Variants in DNAAF3 observed in about 807,000 individuals in gnomAD.
DNAAF3 encodes UPF0470 protein C19orf51.
DNAAF3 carries 40 observed loss-of-function variants against 50.9 expected under a neutral mutation model. The observed-to-expected ratio is 0.79, with a 90% CI of 0.61 to 1.02. The LOEUF (loss-of-function observed/expected upper bound fraction) is 1.02. DNAAF3 is among the 50% of genes least tolerant of loss of function. The probability of loss-of-function intolerance (pLI) is 0.00; values close to 1 mark genes in which losing one functional copy is unlikely to be tolerated. For synonymous variants in DNAAF3, 327 were observed against 322.8 expected (o/e 1.01, Z -0.14); for missense variants, 763 against 744.7 (o/e 1.02, Z -0.29).
Position 55,161,405 on chromosome 19 carries a change from T to C in DNAAF3, c.677A>G (p.His226Arg). 1 of 816,302 alleles carries C rather than the reference T, an allele frequency of 1.2e-6. No individual in the cohort carries two copies. Among genetic ancestry groups the C allele is most frequent in the Non-Finnish European group, 1.8e-6 (1 of 555,396 alleles). The allele number at this position is 816,302 out of a possible 1,614,324, so 50.6% of individuals were successfully genotyped here. ...KLHDRGAQVI[H>R]PQEFRRWRDT... Reference sequence around the variant, plus strand: ...CCGCCAGCGTCGGAACTCCTGGGGGTGAATGACTTGAGCCTGGGGTGGGGG... The same window carrying C: ...CCGCCAGCGTCGGAACTCCTGGGGGCGAATGACTTGAGCCTGGGGTGGGGG... Residue 226 changes from histidine (H) to arginine (R), a missense_variant, in exon 7 of 12, where the codon CAC becomes CGC. Coordinates refer to ENST00000524407, the MANE Select transcript of DNAAF3 (RefSeq NM_001256715.2). This position sits in a 1 kb window ranked among gnomAD's most constrained non-coding sequence, Gnocchi z 6.4.
intron 4 of DNAAF3, among the ~76,000 whole-genome samples, chr19:55,163,948 G>A (rs2147305051): frequency 6.6e-6 from 1 of 152,228 alleles, no homozygotes; most frequent in East Asian, 1.9e-4. Flanking sequence ...GGCGGGGCCT[G>A]GTGGGAGGTG....
At position 55,166,154 on chromosome 19, in the gene DNAAF3, GCAGTCCGCAGACAGGA is replaced by G; in HGVS notation, c.85+159_86-155del. ...GTTTCCTCTGAGTATTCTGGGATTC[GCAGTCCGCAGACAGGA>G]CCTCGGGGCTGCCCCTGGGAGCGCG... On this transcript the variant is annotated intron_variant, in intron 2 of 11. Transcript: ENST00000524407. The surrounding 1 kb of genome is among the most constrained non-coding windows in gnomAD (Gnocchi z 4.0). The G allele has an allele frequency of 6.4e-7, 1 of 1,553,376 alleles. No individual in the cohort carries two copies. Among genetic ancestry groups the G allele is most frequent in the South Asian group, 1.2e-5 (1 of 84,840 alleles).
upstream of DNAAF3, chr19:55,166,722 T>C: frequency 6.7e-7 from 1 of 1,494,910 alleles, no homozygotes; most frequent in South Asian, 1.2e-5. This position sits in a 1 kb window ranked among gnomAD's most constrained non-coding sequence, Gnocchi z 4.0. Flanking sequence ...TTTTGGCCAA[T>C]GGGAGCACTG....
Position 55,160,621 on chromosome 19 carries a change from GTT to G in DNAAF3, c.1048+17_1048+18del, listed in dbSNP as rs752167172. ...GGAGGCTGGAGTCCCTGGCTTACCT[GTT>G]GTTGTCCCTGGCTTACCTGGAGTCC... On this transcript the variant is annotated intron_variant, in intron 9 of 11. Coordinates refer to ENST00000524407, the MANE Select transcript of DNAAF3 (RefSeq NM_001256715.2). This position sits in a 1 kb window ranked among gnomAD's most constrained non-coding sequence, Gnocchi z 4.7. 2 of 1,468,338 alleles carry G rather than the reference GTT, an allele frequency of 1.4e-6. No individual in the cohort carries two copies. The highest frequency in any genetic ancestry group is 7.7e-5 in the East Asian group (2 of 26,060). 91.0% of individuals were successfully genotyped at this position (1,468,338 alleles called of 1,614,324 possible).
intron 4 of DNAAF3, chr19:55,162,910 CCCT>C (rs1322445597): frequency 2.6e-5 from 4 of 153,522 alleles, no homozygotes; most frequent in African/African-American, 4.8e-5. Context: ...GCTTAAGGGA[CCCT>C]CCTCCTCCAG....
In DNAAF3 at chr19:55,161,234, C is replaced by G. The variant is rs1454319711; in HGVS notation, c.790-47G>C. 1 of 1,593,974 alleles carries G rather than the reference C, an allele frequency of 6.3e-7. No individual in the cohort carries two copies. Among genetic ancestry groups the G allele is most frequent in the East Asian group, 2.3e-5 (1 of 44,126 alleles). On this transcript the variant is annotated intron_variant, in intron 7 of 11. Transcript: ENST00000524407. The surrounding 1 kb of genome is among the most constrained non-coding windows in gnomAD (Gnocchi z 6.4). ...AGGCAGGTGAGGTCGATGTTGGGGC[C>G]CCTGACTCCTAGGACTCCGAGCAGC...
Position 55,159,576 on chromosome 19 carries a change from C to A in DNAAF3, c.1195G>T (p.Ala399Ser). The change falls in exon 11 of 12, where the codon GCC becomes TCC. Residue 399 changes from alanine (A) to serine (S), a missense_variant. Coordinates refer to ENST00000524407, the MANE Select transcript of DNAAF3 (RefSeq NM_001256715.2). The stretch of plus-strand genomic sequence containing the variant: ...AAGTTCCCTCCGGGTGCCACACAGG[C>A]CCCAAGCTCAGGGATGAGAAGATGG... ...MVHLLIPELG[A>S]CVAPGGNLIV... is the part of the protein sequence containing the mutation. 1 of 1,608,758 alleles carries A rather than the reference C, an allele frequency of 6.2e-7. No homozygotes were observed. The highest frequency in any genetic ancestry group is 8.5e-7 in the Non-Finnish European group (1 of 1,177,430).
intron 4 of DNAAF3, among the ~76,000 whole-genome samples, chr19:55,164,510 C>T (rs1257323480): frequency 2.0e-5 from 3 of 150,834 alleles, no homozygotes; most frequent in African/African-American, 7.3e-5. Context: ...ACAAACAAAC[C>T]TGTTTTCTTT....
intron 5 of DNAAF3, 108 bp downstream of exon 5, chr19:55,162,025 T>G: frequency 7.4e-7 from 1 of 1,343,906 alleles, no homozygotes; most frequent in Non-Finnish European, 9.5e-7. Flanking sequence ...GAACTGGGAT[T>G]CGAACCCCCT....
In DNAAF3 at chr19:55,166,484, T is replaced by C; in HGVS notation, c.-5+39A>G. On this transcript the variant is annotated intron_variant, in intron 1 of 11. Coordinates refer to ENST00000524407, the MANE Select transcript of DNAAF3 (RefSeq NM_001256715.2). This position sits in a 1 kb window ranked among gnomAD's most constrained non-coding sequence, Gnocchi z 4.0. ...CCGCTCCCCTCTCACCGCCCCTCAC[T>C]TCTCGCCCCTTTGCCTCCACATGAT... is the stretch of plus-strand genomic sequence containing the variant. 4 of 1,613,572 alleles carry C rather than the reference T, an allele frequency of 2.5e-6. No individual in the cohort carries two copies. Among genetic ancestry groups the C allele is most frequent in the Non-Finnish European group, 3.4e-6 (4 of 1,179,668 alleles).
At position 55,166,481 on chromosome 19, in the gene DNAAF3, C is replaced by G; in HGVS notation, c.-5+42G>C. Reference sequence around the variant, plus strand: ...GCCCCGCTCCCCTCTCACCGCCCCTCACTTCTCGCCCCTTTGCCTCCACAT... The same window carrying G: ...GCCCCGCTCCCCTCTCACCGCCCCTGACTTCTCGCCCCTTTGCCTCCACAT... On this transcript the variant is annotated intron_variant, in intron 1 of 11. Transcript: ENST00000524407. This position sits in a 1 kb window ranked among gnomAD's most constrained non-coding sequence, Gnocchi z 4.0. 2 of 1,613,496 alleles carry G rather than the reference C, an allele frequency of 1.2e-6. No individual in the cohort carries two copies. The highest frequency in any genetic ancestry group is 2.2e-5 in the South Asian group (2 of 91,008).
In DNAAF3 at chr19:55,166,299, G is replaced by T; in HGVS notation, c.85+30C>A. ...TCTGCTCAGGCTGGGAAGGCAGACGGTGTATCAGACCTTGCGTGCTGGGAC... is the reference window on the plus strand; with the variant it reads ...TCTGCTCAGGCTGGGAAGGCAGACGTTGTATCAGACCTTGCGTGCTGGGAC... On this transcript the variant is annotated intron_variant, in intron 2 of 11. Transcript: ENST00000524407. This position sits in a 1 kb window ranked among gnomAD's most constrained non-coding sequence, Gnocchi z 4.0. The T allele has an allele frequency of 6.2e-7, 1 of 1,609,542 alleles. No homozygotes were observed. Among genetic ancestry groups the T allele is most frequent in the Non-Finnish European group, 8.5e-7 (1 of 1,177,462 alleles).
In DNAAF3 at chr19:55,162,242, G is replaced by C; in HGVS notation, c.371C>G (p.Pro124Arg). ...LEVWGNALLR[P>R]PVAAFVRAQA... ...GGCACGCACGAAGGCGGCCACTGGC[G>C]GGCGCAGCAGCGCGTTCCCCCACAC... The change falls in exon 5 of 12, where the codon CCG (proline) becomes CGG (arginine). Residue 124 changes from proline to arginine, a missense_variant. Coordinates refer to ENST00000524407, the MANE Select transcript of DNAAF3 (RefSeq NM_001256715.2). 1 of 1,250,148 alleles carries C rather than the reference G, an allele frequency of 8.0e-7. No individual in the cohort carries two copies. Among genetic ancestry groups the C allele is most frequent in the Non-Finnish European group, 1.0e-6 (1 of 989,620 alleles). The allele number at this position is 1,250,148 out of a possible 1,614,324, so 77.4% of individuals were successfully genotyped here. A position where few individuals can be genotyped will look rare whatever the true frequency, so the allele number is the denominator to read the frequency against.
chr19:55,162,287 C>T lies in DNAAF3; in HGVS notation c.326G>A (p.Arg109Gln). The T allele has an allele frequency of 2.4e-6, 3 of 1,250,332 alleles. No individual in the cohort carries two copies. Among genetic ancestry groups the T allele is most frequent in the Non-Finnish European group, 3.0e-6 (3 of 988,852 alleles). The allele number at this position is 1,250,332 out of a possible 1,614,324, so 77.5% of individuals were successfully genotyped here. A position where few individuals can be genotyped will look rare whatever the true frequency, so the allele number is the denominator to read the frequency against. The change falls in exon 5 of 12, where the codon CGA becomes CAA. Residue 109 changes from arginine (R) to glutamine (Q), a missense_variant. Arg to Gln is a conservative substitution (Grantham distance 43). Coordinates refer to ENST00000524407, the MANE Select transcript of DNAAF3 (RefSeq NM_001256715.2). ...EEPEKMGLQE[R>Q]SETFLEVWGN... ...CCACACTTCCAGGAAGGTCTCGCTTCGCTCTACGGAGAGAGGGAGATAATT... is the reference window on the plus strand; with the variant it reads ...CCACACTTCCAGGAAGGTCTCGCTTTGCTCTACGGAGAGAGGGAGATAATT...
chr19:55,163,379 C>T (rs1406409606), intron 4 of DNAAF3, among the ~76,000 whole-genome samples: 1 of 146,066 alleles, frequency 6.8e-6, no homozygotes, highest in Non-Finnish European at 1.5e-5. Context: ...AGGATGGTCT[C>T]GATCTCCTGA....
intron 4 of DNAAF3, among the ~76,000 whole-genome samples, chr19:55,165,031 T>C (rs2085913250): frequency 7.3e-6 from 1 of 137,700 alleles, no homozygotes; most frequent in Non-Finnish European, 1.6e-5. Flanking sequence ...CTTTTTTTTT[T>C]TTTTTTTTTT....
At position 55,160,303 on chromosome 19, in the gene DNAAF3, C is replaced by T. The variant is rs1318385652; in HGVS notation, c.1049-290G>A. Among the ~76,000 whole-genome samples, 1 of 152,106 alleles carries T rather than the reference C, an allele frequency of 6.6e-6. No individual in the cohort carries two copies. Among genetic ancestry groups the T allele is most frequent in the African/African-American group, 2.4e-5 (1 of 41,412 alleles). ...CATGTGACATGCCCTGTCAGACAGA[C>T]ACGCAGGGAGGGCCAGGTTGGAGGA... On this transcript the variant is annotated intron_variant, in intron 9 of 11. Coordinates refer to ENST00000524407, the MANE Select transcript of DNAAF3 (RefSeq NM_001256715.2). The surrounding 1 kb of genome is among the most constrained non-coding windows in gnomAD (Gnocchi z 4.7).
chr19:55,162,221 C>T lies in DNAAF3; in HGVS notation c.392G>A (p.Arg131His), dbSNP rs2085849957. Reference protein sequence around the residue: ...LLRPPVAAFVRAQADLLAHLV... With the variant: ...LLRPPVAAFVHAQADLLAHLV... ...GTGCGCCAGCAGGTCGGCCTGGGCACGCACGAAGGCGGCCACTGGCGGGCG... is the reference window on the plus strand; with the variant it reads ...GTGCGCCAGCAGGTCGGCCTGGGCATGCACGAAGGCGGCCACTGGCGGGCG... The change falls in exon 5 of 12, where the codon CGT becomes CAT. Residue 131 changes from arginine to histidine, a missense_variant. Physicochemically the swap from Arg to His is conservative, Grantham distance 29 (BLOSUM62 0). Transcript: ENST00000524407. The T allele has an allele frequency of 8.0e-7, 1 of 1,252,316 alleles. No homozygotes were observed. The highest frequency in any genetic ancestry group is 1.0e-6 in the Non-Finnish European group (1 of 989,966). The allele number at this position is 1,252,316 out of a possible 1,614,324, so 77.6% of individuals were successfully genotyped here. A position where few individuals can be genotyped will look rare whatever the true frequency, so the allele number is the denominator to read the frequency against.
rs549640108 is a variant in DNAAF3 at position 55,159,700 on chromosome 19, G to T, written c.1164-93C>A. ...TCCCAGACAATGAGGGAGGAGGGGT[G>T]GCAAAACTGGAGTCTGGGTCCTGGG... On this transcript the variant is annotated intron_variant, in intron 10 of 11. Transcript: ENST00000524407. The T allele has an allele frequency of 1.9e-4, 302 of 1,584,188 alleles. 4 individuals are homozygous for T. In the South Asian group the frequency reaches 3.3e-3, roughly 17 times the overall value.
Sources: gnomAD v4.1 joint callset for allele counts (sites outside exome capture counted in the v4.1 genomes callset) on GRCh38, gnomAD v4.1.1 for gene constraint, Gnocchi (gnomAD v3.1) non-coding constraint, MANE v1.5 for transcripts, NCBI Gene and HGNC (gene_info 2026-07-23, HGNC 2026-07-21) for gene names.